The following FBXO25 variants were observed in gnomAD, a reference collection of about 807,000 sequenced individuals.
FBXO25 encodes the protein F-box only protein 25.
FBXO25 carries 45 observed loss-of-function variants against 51.9 expected under a neutral mutation model. The observed-to-expected ratio is 0.87, with a 90% CI of 0.68 to 1.11. The LOEUF (loss-of-function observed/expected upper bound fraction) is 1.11. Among genes scored for constraint, FBXO25 ranks in the 50% most tolerant of loss-of-function variants. The probability of loss-of-function intolerance (pLI) is 0.00; values close to 1 mark genes in which losing one functional copy is unlikely to be tolerated. For synonymous variants in FBXO25, 199 were observed against 151.0 expected (o/e 1.32, Z -2.33); for missense variants, 507 against 428.5 (o/e 1.18, Z -1.62).
intron 1 of FBXO25, chr8:407,486 G>A (rs1005605055): frequency 2.1e-6 from 2 of 968,180 alleles, no homozygotes; most frequent in African/African-American, 3.5e-5. Context: ...GGTGGGCACG[G>A]GGGCCGCCCA....
Position 475,624 on chromosome 8 carries a change from T to C in FBXO25, c.*6820T>C, listed in dbSNP as rs145862082. On this transcript the variant is annotated 3_prime_UTR_variant, in exon 10 of 10. Transcript: ENST00000350302. The stretch of plus-strand genomic sequence containing the variant: ...GTGTTTTATGGTTTTCAAGTACAAG[T>C]CTTTTGCTTCCTTAAGTTTATTCCT... The C allele has an allele frequency of 1.3e-5, 2 of 152,322 alleles. No homozygotes were observed. Among genetic ancestry groups the C allele is most frequent in the East Asian group, 3.9e-4 (2 of 5,182 alleles). 9.4% of individuals were successfully genotyped at this position (152,322 alleles called of 1,614,324 possible).
chr8:434,803 T>C (rs1798006315), intron 4 of FBXO25, among the ~76,000 whole-genome samples: 2 of 152,324 alleles, frequency 1.3e-5, no homozygotes, highest in Non-Finnish European at 2.9e-5. Flanking sequence ...CAAACCAATA[T>C]AGGATAAGGG....
intron 5 of FBXO25, among the ~76,000 whole-genome samples, chr8:449,543 A>G (rs1275483416): frequency 6.6e-6 from 1 of 152,344 alleles, no homozygotes; most frequent in African/African-American, 2.4e-5. Context: ...TTCTACATGG[A>G]AGGGCTGTTT....
rs1800688096 is a variant in FBXO25 at position 477,848 on chromosome 8, T to TAAC, written c.*9046_*9048dup. ...TATTTAAAAATGTAAAAATCATTCT[T>TAAC]AACATTTGGGCTGTGCAAAAACAGC... On this transcript the variant is annotated 3_prime_UTR_variant, in exon 10 of 10. Coordinates refer to ENST00000350302, the MANE Select transcript of FBXO25 (RefSeq NM_183420.2). The TAAC allele has an allele frequency of 6.6e-6, 1 of 152,248 alleles. No individual in the cohort carries two copies. The highest frequency in any genetic ancestry group is 2.4e-5 in the African/African-American group (1 of 41,472). 9.4% of individuals were successfully genotyped at this position (152,248 alleles called of 1,614,324 possible). A position where few individuals can be genotyped will look rare whatever the true frequency, so the allele number is the denominator to read the frequency against.
intron 2 of FBXO25, among the ~76,000 whole-genome samples, chr8:422,860 C>G (rs574893128): frequency 6.6e-6 from 1 of 152,174 alleles, no homozygotes; most frequent in African/African-American, 2.4e-5. Flanking sequence ...ATGGAGCTTT[C>G]TATGGTGTCT....
At chr8:450,252 T>C (rs959046090) in intron 6 of FBXO25, among the ~76,000 whole-genome samples, 169 bp downstream of exon 6, 4 of 152,244 alleles carry the variant, frequency 2.6e-5, no homozygotes, top group South Asian at 2.1e-4. Context: ...CCCAGTGTTC[T>C]GTTACTGCCG....
intron 7 of FBXO25, among the ~76,000 whole-genome samples, chr8:456,234 G>C (rs1799420292): frequency 6.6e-6 from 1 of 152,112 alleles, no homozygotes; most frequent in African/African-American, 2.4e-5. Context: ...CTTTGAGATA[G>C]GGTCTTGCTC....
chr8:464,248 A>C (rs185004513), intron 9 of FBXO25, among the ~76,000 whole-genome samples: 68 of 152,250 alleles, frequency 4.5e-4, no homozygotes, highest in African/African-American at 1.5e-3. Context: ...GAGCCATGGC[A>C]CCCGGCAATT....
chr8:426,067 C>G (rs1797456776), intron 2 of FBXO25, among the ~76,000 whole-genome samples: 1 of 152,146 alleles, frequency 6.6e-6, no homozygotes, highest in Non-Finnish European at 1.5e-5. Context: ...TGTTCTTTGT[C>G]TGCATTGTGC....
intron 4 of FBXO25, among the ~76,000 whole-genome samples, chr8:434,721 T>G (rs1242167152): frequency 1.3e-5 from 2 of 152,214 alleles, no homozygotes; most frequent in African/African-American, 4.8e-5. Context: ...TCTGTAGATT[T>G]TAAATATTTC....
chr8:451,615 C>T (rs975579535), intron 7 of FBXO25, among the ~76,000 whole-genome samples, 162 bp downstream of exon 7: 1 of 152,096 alleles, frequency 6.6e-6, no homozygotes, highest in Non-Finnish European at 1.5e-5. Flanking sequence ...GACCAAAGAC[C>T]CCAATGGCTT....
intron 2 of FBXO25, among the ~76,000 whole-genome samples, chr8:414,844 A>G (rs1450771609): frequency 6.6e-6 from 1 of 152,106 alleles, no homozygotes. Flanking sequence ...TACCCCACCT[A>G]GTTGCTTTGC....
chr8:417,250 A>G (rs1323542307), intron 2 of FBXO25, among the ~76,000 whole-genome samples: 1 of 152,222 alleles, frequency 6.6e-6, no homozygotes, highest in Non-Finnish European at 1.5e-5. Flanking sequence ...GGGTTTGAGT[A>G]GAAGAGTGAT....
chr8:471,995 T>C lies in FBXO25; in HGVS notation c.*3191T>C, dbSNP rs1379066176. On this transcript the variant is annotated 3_prime_UTR_variant, in exon 10 of 10. Transcript: ENST00000350302. ...ACACCTTTGTAGATTCCTGATGCTG[T>C]GTACAAAATCATGTCATCTATGAAT... is the stretch of plus-strand genomic sequence containing the variant. 1 of 152,250 alleles carries C rather than the reference T, an allele frequency of 6.6e-6. No homozygotes were observed. The highest frequency in any genetic ancestry group is 1.5e-5 in the Non-Finnish European group (1 of 68,044). The allele number at this position is 152,250 out of a possible 1,614,324, so 9.4% of individuals were successfully genotyped here.
intron 9 of FBXO25, among the ~76,000 whole-genome samples, chr8:464,056 A>T (rs144882798): frequency 1.7e-3 from 253 of 152,104 alleles, no homozygotes; most frequent in African/African-American, 5.8e-3. Flanking sequence ...TTCAGCCCCG[A>T]CTTCTGGGCT....
At chr8:407,402 G>T (rs1281167833) in intron 1 of FBXO25, 1 of 984,446 alleles carries the variant, frequency 1.0e-6, no homozygotes, top group Non-Finnish European at 1.2e-6. Flanking sequence ...ACGATGGGCC[G>T]CGGGCGCGTC....
At chr8:440,325 ATTTTC>A (rs1299884590) in intron 5 of FBXO25, among the ~76,000 whole-genome samples, 1 of 152,136 alleles carries the variant, frequency 6.6e-6, no homozygotes, top group Admixed American at 6.6e-5. Flanking sequence ...CACTATTTTG[ATTTTC>A]TTTTGAGGAG....
At chr8:428,919 C>A (rs1307578499) in intron 2 of FBXO25, among the ~76,000 whole-genome samples, 1 of 152,176 alleles carries the variant, frequency 6.6e-6, no homozygotes, top group African/African-American at 2.4e-5. Context: ...GTGTACACCA[C>A]ATTTTGCTTA....
chr8:422,091 A>G (rs751962132), intron 2 of FBXO25, among the ~76,000 whole-genome samples: 3 of 152,238 alleles, frequency 2.0e-5, no homozygotes, highest in Admixed American at 2.0e-4. Flanking sequence ...CCCTTGACAG[A>G]TGCAGCAAGG....
Sources: gnomAD v4.1 joint callset for allele counts (sites outside exome capture counted in the v4.1 genomes callset) on GRCh38, gnomAD v4.1.1 for gene constraint, MANE v1.5 for transcripts, NCBI Gene and HGNC (gene_info 2026-07-23, HGNC 2026-07-21) for gene names.